The following TACC2 variants were observed in gnomAD, a reference collection of about 807,000 sequenced individuals.
The protein encoded by TACC2 is transforming acidic coiled-coil-containing protein 2.
A neutral mutation model predicts 227.3 loss-of-function variants in TACC2; 137 were observed. The ratio of observed to expected loss-of-function variants is 0.60; its 90% CI spans 0.52 to 0.69. The LOEUF (loss-of-function observed/expected upper bound fraction) is 0.69. TACC2 is among the 30% of genes least tolerant of loss of function. The pLI is 0.00. For synonymous variants in TACC2, 1,523 were observed against 1,487.5 expected (o/e 1.02, Z -0.55); for missense variants, 3,470 against 3,694.4 (o/e 0.94, Z 1.57).
At chr10:122,187,319 C>A (rs903234500) in intron 7 of TACC2, among the ~76,000 whole-genome samples, 1 of 152,104 alleles carries the variant, frequency 6.6e-6, no homozygotes, top group Non-Finnish European at 1.5e-5. Context: ...CCGGAGCTCG[C>A]CCTTTCTTCG....
rs201817951 is a variant in TACC2 at position 122,215,490 on chromosome 10, C to G, written c.7344+39C>G. The G allele has an allele frequency of 9.4e-5, 147 of 1,570,498 alleles. No homozygotes were observed. In the Middle Eastern group the frequency reaches 1.2e-3, roughly 13 times the overall value. On this transcript the variant is annotated intron_variant, in intron 10 of 22. Transcript: ENST00000369005. Reference sequence around the variant, plus strand: ...TTGATCTTGATGGTTTTATGCCCCCCCCGGGGGAGGTTTTCTTCGCTTGTT... The same window carrying G: ...TTGATCTTGATGGTTTTATGCCCCCGCCGGGGGAGGTTTTCTTCGCTTGTT...
At chr10:122,055,526 T>C (rs1019478517) in intron 3 of TACC2, among the ~76,000 whole-genome samples, 1 of 152,008 alleles carries the variant, frequency 6.6e-6, no homozygotes, top group Admixed American at 6.5e-5. Context: ...CATGGACACA[T>C]AGAGGAGAAC....
At position 122,227,473 on chromosome 10, in the gene TACC2, T is replaced by C. The variant is rs776153548; in HGVS notation, c.7725-364T>C. 2.0e-5 allele frequency among the ~76,000 whole-genome samples: 3 copies of C among 152,184 alleles called. No individual in the cohort carries two copies. The South Asian group carries it at 6.2e-4, about 32-fold the overall frequency. ...GGTGACAGGTACCACATTAAGTGCT[T>C]TACAGGCATGCAGCATCTCATTTAA... On this transcript the variant is annotated intron_variant, in intron 13 of 22. Coordinates refer to ENST00000369005, the MANE Select transcript of TACC2 (RefSeq NM_206862.4).
In TACC2 at chr10:122,101,165, T is replaced by C. The variant is rs1160215352; in HGVS notation, c.5573+12574T>C. Among the ~76,000 whole-genome samples, 3 of 141,582 alleles carry C rather than the reference T, an allele frequency of 2.1e-5. No homozygotes were observed. In the Admixed American group the frequency reaches 2.2e-4, roughly 10 times the overall value. The allele number at this position is 141,582 out of a possible 152,430, so 92.9% of individuals were successfully genotyped here. A position where few individuals can be genotyped will look rare whatever the true frequency, so the allele number is the denominator to read the frequency against. On this transcript the variant is annotated intron_variant, in intron 5 of 22. Transcript: ENST00000369005. Reference sequence around the variant, plus strand: ...GATCTGGGTTCAAATCTGCTGCTTATTCATTGTAGGACATTTGTCATATTA... The same window carrying C: ...GATCTGGGTTCAAATCTGCTGCTTACTCATTGTAGGACATTTGTCATATTA...
At chr10:122,249,769 T>C in intron 22 of TACC2, 105 bp downstream of exon 22, 1 of 1,365,580 alleles carries the variant, frequency 7.3e-7, no homozygotes, top group African/African-American at 1.4e-5. Flanking sequence ...CTGCTGCTCC[T>C]GAAGACGAAT....
Position 122,084,190 on chromosome 10 carries a change from G to T in TACC2, c.1690G>T (p.Val564Leu). Reference protein sequence around the residue: ...KVHEDSTSPAVAKEGSRSPGD... With the variant: ...KVHEDSTSPALAKEGSRSPGD... Reference sequence around the variant, plus strand: ...CCATGAAGATTCCACAAGCCCAGCCGTGGCTAAAGAAGGAAGCAGATCACC... The same window carrying T: ...CCATGAAGATTCCACAAGCCCAGCCTTGGCTAAAGAAGGAAGCAGATCACC... The change falls in exon 4 of 23, where the codon GTG (valine) becomes TTG (leucine). Residue 564 changes from valine (V) to leucine (L), a missense_variant. Around this residue, in one of 10 missense-constraint regions of TACC2, gnomAD observed 1,924 missense variants for 1,978.3 expected, o/e 0.97. Transcript: ENST00000369005. 1 of 1,614,118 alleles carries T rather than the reference G, an allele frequency of 6.2e-7. No homozygotes were observed. The highest frequency in any genetic ancestry group is 8.5e-7 in the Non-Finnish European group (1 of 1,180,040).
chr10:122,204,491 G>C (rs2095036150), intron 8 of TACC2, among the ~76,000 whole-genome samples: 1 of 152,116 alleles, frequency 6.6e-6, no homozygotes, highest in South Asian at 2.1e-4. Flanking sequence ...AAGGAAAGCT[G>C]CTCATCTCTG....
At chr10:122,208,408 C>T (rs1462166973) in intron 8 of TACC2, among the ~76,000 whole-genome samples, 1 of 152,178 alleles carries the variant, frequency 6.6e-6, no homozygotes, top group Non-Finnish European at 1.5e-5. Flanking sequence ...TTGCTATGAG[C>T]AAAGCTTGGT....
rs1357986874 is a variant in TACC2 at position 122,180,787 on chromosome 10, TG to T, written c.5835-14251del. 6.6e-6 allele frequency among the ~76,000 whole-genome samples: 1 copy of T among 152,144 alleles called. No homozygotes were observed. The highest frequency in any genetic ancestry group is 1.5e-5 in the Non-Finnish European group (1 of 68,038). ...GTCTCGCTCTGTTGCCGAGGCTGGATGGAGTGCAATGGCGCAGTCTCGGCTC... is the reference window on the plus strand; with the variant it reads ...GTCTCGCTCTGTTGCCGAGGCTGGATGAGTGCAATGGCGCAGTCTCGGCTC... On this transcript the variant is annotated intron_variant, in intron 7 of 22. Transcript: ENST00000369005. The surrounding 1 kb of genome is among the most constrained non-coding windows in gnomAD (Gnocchi z 4.5).
chr10:122,224,957 T>C (rs1001519274), intron 12 of TACC2, among the ~76,000 whole-genome samples, 170 bp downstream of exon 12: 4 of 152,062 alleles, frequency 2.6e-5, no homozygotes, highest in African/African-American at 4.8e-5. Flanking sequence ...GGTTGAGGTT[T>C]GTACTCAATC....
chr10:122,234,229 C>CA (rs1306039616), intron 16 of TACC2, among the ~76,000 whole-genome samples: 1 of 152,224 alleles, frequency 6.6e-6, no homozygotes, highest in African/African-American at 2.4e-5. Flanking sequence ...GCTACGATGC[C>CA]ACCCCCAGCT....
rs1437935983 is a variant in TACC2, at chr10:122,084,812, G to A, written c.2312G>A (p.Arg771Lys). The change falls in exon 4 of 23, where the codon AGA becomes AAA. Residue 771 changes from arginine to lysine, a missense_variant. Arg to Lys is a conservative substitution (Grantham distance 26, BLOSUM62 2). This residue lies in a region of TACC2 where 1,924 missense variants were observed against 1,978.3 expected (regional missense o/e 0.97). Transcript: ENST00000369005. ...CGCGGGCCGGCGTGTGATGCGTCGA[G>A]ACAGGAATTTCATGCTGGGGTGCCA... Reference protein sequence around the residue: ...QPRGPACDASRQEFHAGVPHP... With the variant: ...QPRGPACDASKQEFHAGVPHP... 1 of 1,613,752 alleles carries A rather than the reference G, an allele frequency of 6.2e-7. No homozygotes were observed. The highest frequency in any genetic ancestry group is 8.5e-7 in the Non-Finnish European group (1 of 1,180,048).
At chr10:122,089,837 C>A (rs550940362) in intron 5 of TACC2, among the ~76,000 whole-genome samples, 2 of 152,322 alleles carry the variant, frequency 1.3e-5, no homozygotes, top group Middle Eastern at 3.4e-3. Flanking sequence ...CTGCCTCTGC[C>A]GCCTGGCAGT....
chr10:122,020,338 G>GTGTA (rs1491372271), intron 1 of TACC2, among the ~76,000 whole-genome samples: 1 of 147,730 alleles, frequency 6.8e-6, no homozygotes, highest in African/African-American at 2.5e-5. Flanking sequence ...GTGTGTGTGT[G>GTGTA]TCTACAGCAA....
In TACC2 at chr10:122,209,279, C is replaced by T. The variant is rs1238250028; in HGVS notation, c.5972-1118C>T. Among the ~76,000 whole-genome samples the T allele has an allele frequency of 2.0e-5, 3 of 152,082 alleles. No homozygotes were observed. Among genetic ancestry groups the T allele is most frequent in the African/African-American group, 7.2e-5 (3 of 41,404 alleles). Reference sequence around the variant, plus strand: ...GTGCTACTACAGGTGCCGGGGGCCTCCGTGTACAGGCTCCCCTGATCTTCA... The same window carrying T: ...GTGCTACTACAGGTGCCGGGGGCCTTCGTGTACAGGCTCCCCTGATCTTCA... On this transcript the variant is annotated intron_variant, in intron 8 of 22. Transcript: ENST00000369005. The surrounding 1 kb of genome is among the most constrained non-coding windows in gnomAD (Gnocchi z 4.5).
At chr10:122,047,153 G>C (rs2075097665) in intron 2 of TACC2, among the ~76,000 whole-genome samples, 1 of 151,620 alleles carries the variant, frequency 6.6e-6, no homozygotes. Context: ...GCCGGGTGTG[G>C]TGGTGGGCAC....
At chr10:122,226,987 C>T (rs2095642520) in intron 13 of TACC2, among the ~76,000 whole-genome samples, 1 of 152,168 alleles carries the variant, frequency 6.6e-6, no homozygotes, top group Non-Finnish European at 1.5e-5. Flanking sequence ...AGGTACTTGC[C>T]TCTCCTGGGC....
chr10:122,001,542 C>T (rs1270390969), intron 1 of TACC2, among the ~76,000 whole-genome samples: 3 of 152,130 alleles, frequency 2.0e-5, no homozygotes, highest in Non-Finnish European at 4.4e-5. Flanking sequence ...CAAAGCCACA[C>T]CATATCATGT....
rs537432970 is a variant in TACC2, at chr10:122,164,371, C to T, written c.5834+20665C>T. ...ACCCATGAGCGTGGCAGCTCCGTGC[C>T]CGGGGCGACAGCCCAGTTTCCGGGC... On this transcript the variant is annotated intron_variant, in intron 7 of 22. Coordinates refer to ENST00000369005, the MANE Select transcript of TACC2 (RefSeq NM_206862.4). Among the ~76,000 whole-genome samples the T allele has an allele frequency of 5.3e-5, 8 of 152,334 alleles. No individual in the cohort carries two copies. The East Asian group carries it at 1.5e-3, about 29-fold the overall frequency.
Sources: gnomAD v4.1 joint callset for allele counts (sites outside exome capture counted in the v4.1 genomes callset) on GRCh38, gnomAD v4.1.1 for gene constraint, gnomAD v4.1.1 regional missense constraint, Gnocchi (gnomAD v3.1) non-coding constraint, MANE v1.5 for transcripts, NCBI Gene and HGNC (gene_info 2026-07-23, HGNC 2026-07-21) for gene names.